The following XKR6 variants were observed in gnomAD, a reference collection of about 807,000 sequenced individuals.
XKR6 encodes the protein XK related 6.
A neutral mutation model predicts 56.7 loss-of-function variants in XKR6; 22 were observed. That is an observed-to-expected ratio of 0.39 (90% CI 0.28 to 0.55). XKR6 has a LOEUF of 0.55. Among genes scored for constraint, XKR6 ranks in the 20% least tolerant of loss-of-function variants. The pLI is 0.66. For synonymous variants in XKR6, 524 were observed against 387.8 expected (o/e 1.35, Z -4.13); for missense variants, 852 against 889.0 (o/e 0.96, Z 0.53).
At chr8:11,008,385 G>A (rs142709359) in intron 1 of XKR6, among the ~76,000 whole-genome samples, 76 of 150,270 alleles carry the variant, frequency 5.1e-4, no homozygotes, top group Middle Eastern at 3.5e-3. Context: ...TCTTCCTCAG[G>A]CTGGACGCAT....
chr8:10,955,456 C>T (rs1158623696), intron 1 of XKR6, among the ~76,000 whole-genome samples: 1 of 152,164 alleles, frequency 6.6e-6, no homozygotes, highest in East Asian at 1.9e-4. Context: ...GCTAGAATTG[C>T]AGGGGCTCAC....
intron 1 of XKR6, among the ~76,000 whole-genome samples, chr8:11,016,231 C>T (rs1454383240): frequency 6.6e-6 from 1 of 152,188 alleles, no homozygotes; most frequent in Admixed American, 6.5e-5. Flanking sequence ...CCTCCCCGCA[C>T]CCTGACGCGG....
At chr8:11,151,689 G>A (rs963399653) in intron 1 of XKR6, among the ~76,000 whole-genome samples, 2 of 151,058 alleles carry the variant, frequency 1.3e-5, no homozygotes, top group Non-Finnish European at 2.9e-5. Flanking sequence ...GTCAGTCTTT[G>A]AACAAGTTTT....
chr8:11,190,233 AAAAAGAAAAAAGAAAAG>A (rs896651412), intron 1 of XKR6, among the ~76,000 whole-genome samples: 4 of 128,614 alleles, frequency 3.1e-5, no homozygotes, highest in African/African-American at 1.2e-4. Flanking sequence ...AGAGAAAAGA[AAAAAGAAAAAAGAAAAG>A]AAAAGAAAGG....
chr8:11,009,826 A>T (rs965858285), intron 1 of XKR6, among the ~76,000 whole-genome samples: 3 of 152,270 alleles, frequency 2.0e-5, no homozygotes, highest in African/African-American at 7.2e-5. Context: ...TTCATTAATC[A>T]TTGACAAATG....
At chr8:10,905,309 TCTC>T (rs1247513759) in intron 2 of XKR6, among the ~76,000 whole-genome samples, 1 of 152,162 alleles carries the variant, frequency 6.6e-6, no homozygotes, top group Non-Finnish European at 1.5e-5. Flanking sequence ...CTTCCGTGCT[TCTC>T]CTCCTGGCTC....
rs749377142 is a variant in XKR6, at chr8:11,200,662, G to C, written c.678C>G (p.Pro226=). The change falls in exon 1 of 3, where the codon CCC becomes CCG. Residue 226 remains proline (P), a synonymous_variant. Transcript: ENST00000416569. This position sits in a 1 kb window ranked among gnomAD's most constrained non-coding sequence, Gnocchi z 6.4. The stretch of plus-strand genomic sequence containing the variant: ...GACACAGGCGCTGCGCCCCCGGCGT[G>C]GGGGAGACCCTCACGCCTGGGCCAC... The part of the protein sequence containing the change: ...ARGGPGVRVS[P]TPGAQRLCRL... The C allele has an allele frequency of 2.6e-6, 4 of 1,556,554 alleles. No individual in the cohort carries two copies. Among genetic ancestry groups the C allele is most frequent in the Admixed American group, 2.1e-5 (1 of 47,150 alleles).
chr8:10,976,257 T>C lies in XKR6; in HGVS notation c.765-51427A>G, dbSNP rs568292999. Among the ~76,000 whole-genome samples the C allele has an allele frequency of 1.4e-4, 21 of 152,182 alleles. No homozygotes were observed. The South Asian group carries it at 3.7e-3, about 27-fold the overall frequency. The stretch of plus-strand genomic sequence containing the variant: ...GTGGGGTCATTAGCAGAAAAGTCTA[T>C]TTGTTGAATGAGTGACTGATTGTAA... On this transcript the variant is annotated intron_variant, in intron 1 of 2. Transcript: ENST00000416569.
chr8:11,056,187 G>A (rs1366572314), intron 1 of XKR6, among the ~76,000 whole-genome samples: 1 of 152,224 alleles, frequency 6.6e-6, no homozygotes, highest in Non-Finnish European at 1.5e-5. Flanking sequence ...GCGTCCTGCT[G>A]CGCTCCCCAG....
chr8:11,056,617 C>G (rs1351009465), intron 1 of XKR6, among the ~76,000 whole-genome samples: 1 of 152,238 alleles, frequency 6.6e-6, no homozygotes, highest in African/African-American at 2.4e-5. Context: ...GGGCAGGTCA[C>G]TGGGGCCACT....
intron 1 of XKR6, among the ~76,000 whole-genome samples, chr8:11,110,682 C>T (rs1298652505): frequency 1.3e-5 from 2 of 152,140 alleles, no homozygotes; most frequent in African/African-American, 4.8e-5. Flanking sequence ...ATCCCAGGAA[C>T]AGGTAAGAAA....
At chr8:10,997,514 T>C (rs778254995) in intron 1 of XKR6, among the ~76,000 whole-genome samples, 30 of 152,050 alleles carry the variant, frequency 2.0e-4, no homozygotes, top group Non-Finnish European at 4.0e-4. Flanking sequence ...GAGATAGCCA[T>C]AGGAAAAAAT....
intron 1 of XKR6, among the ~76,000 whole-genome samples, chr8:11,188,129 C>T (rs1803370837): frequency 6.6e-6 from 1 of 152,028 alleles, no homozygotes. Flanking sequence ...GAGCCCATCG[C>T]TAATTTGAGA....
chr8:11,153,023 C>A (rs1466006401), intron 1 of XKR6, among the ~76,000 whole-genome samples: 2 of 152,124 alleles, frequency 1.3e-5, no homozygotes, highest in Non-Finnish European at 2.9e-5. Context: ...CAAAATCTTG[C>A]TATTTGAAGG....
At chr8:10,944,509 C>G (rs1186238462) in intron 1 of XKR6, among the ~76,000 whole-genome samples, 2 of 152,204 alleles carry the variant, frequency 1.3e-5, no homozygotes, top group Non-Finnish European at 2.9e-5. Context: ...GGGTGCCCCA[C>G]ACCCACACAC....
At chr8:11,110,769 A>G (rs1798856714) in intron 1 of XKR6, among the ~76,000 whole-genome samples, 1 of 152,128 alleles carries the variant, frequency 6.6e-6, no homozygotes, top group Non-Finnish European at 1.5e-5. Flanking sequence ...TCGAGAACAC[A>G]TTAGTCTACA....
intron 1 of XKR6, among the ~76,000 whole-genome samples, chr8:10,969,529 C>G (rs1365650459): frequency 1.3e-5 from 2 of 152,218 alleles, no homozygotes; most frequent in South Asian, 2.1e-4. Flanking sequence ...ATGCAGGCAT[C>G]CCTGGCCAGA....
At chr8:11,097,053 G>C (rs1040038200) in intron 1 of XKR6, among the ~76,000 whole-genome samples, 1 of 152,154 alleles carries the variant, frequency 6.6e-6, no homozygotes, top group Admixed American at 6.5e-5. Flanking sequence ...GAAGATGGAA[G>C]GTTGCCTAGA....
At chr8:11,198,780 G>T (rs1271201240) in intron 1 of XKR6, among the ~76,000 whole-genome samples, 1 of 152,044 alleles carries the variant, frequency 6.6e-6, no homozygotes, top group African/African-American at 2.4e-5. Flanking sequence ...CCACACTTCG[G>T]CTTGTTCAGC....
Sources: gnomAD v4.1 joint callset for allele counts (sites outside exome capture counted in the v4.1 genomes callset) on GRCh38, gnomAD v4.1.1 for gene constraint, Gnocchi (gnomAD v3.1) non-coding constraint, MANE v1.5 for transcripts, NCBI Gene and HGNC (gene_info 2026-07-23, HGNC 2026-07-21) for gene names.